Variants in MGAT5 observed in about 807,000 individuals in gnomAD.
MGAT5 encodes the protein alpha-1,6-mannosylglycoprotein 6-beta-N-acetylglucosaminyltransferase, also known as alpha-1,6-mannosylglycoprotein 6-beta-N-acetylglucosaminyltransferase A.
In MGAT5, 30 loss-of-function variants were observed where a neutral mutation model predicts 94.3. The ratio of observed to expected loss-of-function variants is 0.32; its 90% CI spans 0.24 to 0.43. The LOEUF (loss-of-function observed/expected upper bound fraction) is 0.43, where lower values mean the gene tolerates loss of function less well. Among genes scored for constraint, MGAT5 ranks in the 20% least tolerant of loss-of-function variants. The probability of loss-of-function intolerance (pLI) is 1.00; values close to 1 mark genes in which losing one functional copy is unlikely to be tolerated. For synonymous variants in MGAT5, 310 were observed against 322.9 expected, an observed-to-expected ratio of 0.96 and a Z score of 0.43; for missense variants, 691 against 905.5, an observed-to-expected ratio of 0.76 and a Z score of 3.04.
intron 1 of MGAT5, among the ~76,000 whole-genome samples, chr2:134,220,297 C>T (rs1680693015): frequency 6.6e-6 from 1 of 152,144 alleles, no homozygotes; most frequent in Non-Finnish European, 1.5e-5. Context: ...GGCACATTCA[C>T]TCCGTTTTTC....
chr2:134,237,439 T>C (rs1049315328), intron 1 of MGAT5, among the ~76,000 whole-genome samples: 2 of 152,066 alleles, frequency 1.3e-5, no homozygotes, highest in African/African-American at 4.8e-5. Flanking sequence ...AAACCTGCAA[T>C]GACAAAAGCA....
At chr2:134,246,088 A>C (rs1311485562) in intron 1 of MGAT5, among the ~76,000 whole-genome samples, 2 of 150,030 alleles carry the variant, frequency 1.3e-5, no homozygotes, top group Admixed American at 6.7e-5. Context: ...TATTTCAGCT[A>C]GTTAATTAAA....
intron 2 of MGAT5, among the ~76,000 whole-genome samples, chr2:134,307,751 A>C (rs1330837156): frequency 6.6e-6 from 1 of 152,112 alleles, no homozygotes; most frequent in African/African-American, 2.4e-5. Flanking sequence ...TGTCCTGGTA[A>C]AACACTCTAA....
intron 14 of MGAT5, among the ~76,000 whole-genome samples, chr2:134,430,259 C>A (rs1684810399): frequency 6.6e-6 from 1 of 152,254 alleles, no homozygotes; most frequent in Admixed American, 6.5e-5. Flanking sequence ...AACTGCCAGG[C>A]ATAAATGACT....
intron 1 of MGAT5, among the ~76,000 whole-genome samples, chr2:134,233,359 G>C (rs1382544095): frequency 6.6e-6 from 1 of 152,184 alleles, no homozygotes; most frequent in African/African-American, 2.4e-5. Flanking sequence ...ATTCTTTGAA[G>C]TAGCAATCTT....
At chr2:134,254,674 A>G (rs773712933) in intron 1 of MGAT5, 30 bp downstream of exon 1, 25 of 1,612,138 alleles carry the variant, frequency 1.6e-5, no homozygotes, top group African/African-American at 1.5e-4. Flanking sequence ...CCTCTCCATT[A>G]AAGTGTGCCT....
At chr2:134,400,637 G>T (rs995803302) in intron 10 of MGAT5, among the ~76,000 whole-genome samples, 1 of 152,136 alleles carries the variant, frequency 6.6e-6, no homozygotes, top group Non-Finnish European at 1.5e-5. Context: ...GTCTACAGTG[G>T]ATATTTTTCT....
intron 1 of MGAT5, among the ~76,000 whole-genome samples, chr2:134,236,294 A>G (rs1158105552): frequency 6.6e-6 from 1 of 152,016 alleles, no homozygotes; most frequent in African/African-American, 2.4e-5. Context: ...CCTTGAGATT[A>G]GTTGGAGAGA....
At position 134,230,481 on chromosome 2, in the gene MGAT5, A is replaced by G. The variant is rs542338861; in HGVS notation, c.-142-23781A>G. Among the ~76,000 whole-genome samples, 15 of 152,368 alleles carry G rather than the reference A, an allele frequency of 9.8e-5. No homozygotes were observed. The East Asian group carries it at 2.9e-3, about 29-fold the overall frequency. On this transcript the variant is annotated intron_variant, in intron 1 of 16. Transcript: ENST00000409645. ...GGATGACTATAGTTAGCCATGATAT[A>G]TAGTTTCAAATAGGATATTGAACCT... is the stretch of plus-strand genomic sequence containing the variant.
At chr2:134,246,906 A>G (rs1682303025) in intron 1 of MGAT5, among the ~76,000 whole-genome samples, 1 of 152,250 alleles carries the variant, frequency 6.6e-6, no homozygotes, top group Non-Finnish European at 1.5e-5. Context: ...GGTATTTTAT[A>G]CATTTTAATT....
rs181043116 is a variant in MGAT5 at position 134,397,229 on chromosome 2, A to G, written c.1381-5759A>G. On this transcript the variant is annotated intron_variant, in intron 10 of 15. Transcript: ENST00000281923. ...GGATGGGTTGAAGGAATGAGAGCCTACAGACAATGTCTTAGCCCACAGCCT... is the reference window on the plus strand; with the variant it reads ...GGATGGGTTGAAGGAATGAGAGCCTGCAGACAATGTCTTAGCCCACAGCCT... Among the ~76,000 whole-genome samples the G allele has an allele frequency of 3.4e-3, 525 of 152,342 alleles. 1 individual carries two copies. Among genetic ancestry groups the G allele is most frequent in the African/African-American group, 0.012 (493 of 41,586 alleles).
intron 12 of MGAT5, among the ~76,000 whole-genome samples, chr2:134,417,727 G>C (rs1684062633): frequency 6.6e-6 from 1 of 152,086 alleles, no homozygotes. Flanking sequence ...GGTAGGGGTA[G>C]TACTCTGGGG....
intron 12 of MGAT5, among the ~76,000 whole-genome samples, chr2:134,413,861 C>T (rs1683811786): frequency 6.6e-6 from 1 of 152,212 alleles, no homozygotes. Flanking sequence ...TGTAGAAGGA[C>T]AGTTTATAAA....
At chr2:134,160,322 T>C (rs752558591) in intron 1 of MGAT5, among the ~76,000 whole-genome samples, 1 of 152,200 alleles carries the variant, frequency 6.6e-6, no homozygotes, top group Non-Finnish European at 1.5e-5. Flanking sequence ...TACAGGCGCC[T>C]GCCACCAGGC....
chr2:134,216,337 G>A (rs923829927), intron 1 of MGAT5, among the ~76,000 whole-genome samples: 2 of 152,166 alleles, frequency 1.3e-5, no homozygotes, highest in Non-Finnish European at 2.9e-5. Flanking sequence ...CTATGAGACC[G>A]AACTTGATTT....
chr2:134,187,247 G>C (rs1018344026), intron 1 of MGAT5, among the ~76,000 whole-genome samples: 2 of 152,264 alleles, frequency 1.3e-5, no homozygotes, highest in Admixed American at 1.3e-4. Context: ...TGAGTTGATT[G>C]GATTTGTTTT....
At chr2:134,299,554 G>C (rs1247970739) in intron 2 of MGAT5, among the ~76,000 whole-genome samples, 1 of 152,072 alleles carries the variant, frequency 6.6e-6, no homozygotes, top group Admixed American at 6.6e-5. Context: ...CAGTGTGTCT[G>C]AATCAGGATC....
At chr2:134,254,753 C>G in intron 1 of MGAT5, 109 bp downstream of exon 1, 1 of 1,428,804 alleles carries the variant, frequency 7.0e-7, no homozygotes, top group Non-Finnish European at 9.5e-7. Context: ...TTTGCCACTG[C>G]CTTCATAAGC....
intron 1 of MGAT5, among the ~76,000 whole-genome samples, chr2:134,137,613 C>T (rs1289003972): frequency 2.6e-5 from 4 of 152,086 alleles, no homozygotes; most frequent in African/African-American, 4.8e-5. Flanking sequence ...GAAGTCAGAG[C>T]GGGGAGGGAT....
Sources: gnomAD v4.1 joint callset for allele counts (sites outside exome capture counted in the v4.1 genomes callset) on GRCh38, gnomAD v4.1.1 for gene constraint, MANE v1.5 for transcripts, NCBI Gene and HGNC (gene_info 2026-07-23, HGNC 2026-07-21) for gene names.